MARF1: variants seen among roughly 807,000 people sequenced by gnomAD.
The protein encoded by MARF1 is meiosis regulator and mRNA stability factor 1.
In MARF1, 24 loss-of-function variants were observed where a neutral mutation model predicts 168.2. The observed-to-expected ratio is 0.14, with a 90% confidence interval of 0.10 to 0.20. The LOEUF is 0.20. MARF1 is among the 10% of genes least tolerant of loss of function. The pLI, the probability that MARF1 is intolerant of heterozygous loss-of-function variation, is 1.00. For synonymous variants in MARF1, 868 were observed against 822.4 expected, an observed-to-expected ratio of 1.06 and a Z score of -0.95; for missense variants, 1,744 against 2,143.6, an observed-to-expected ratio of 0.81 and a Z score of 3.68.
intron 25 of MARF1, 130 bp from the exon 26 acceptor site, chr16:15,599,154 T>TAAAAAAAAA (rs565989147): frequency 7.5e-4 from 223 of 299,026 alleles, no homozygotes; most frequent in South Asian, 1.5e-3. Flanking sequence ...TTTAAGGTAT[T>TAAAAAAAAA]AAAAAAAAAA....
At chr16:15,597,148 TG>T (rs1347068100) in intron 26 of MARF1, among the ~76,000 whole-genome samples, 1 of 152,212 alleles carries the variant, frequency 6.6e-6, no homozygotes, top group Non-Finnish European at 1.5e-5. Context: ...CCTCTCCCAC[TG>T]GATTACAAAG....
rs753654896 is a variant in MARF1 at position 15,598,934 on chromosome 16, G to A, written c.4904C>T (p.Ser1635Phe). Residue 1635 changes from serine to phenylalanine, a missense_variant, in exon 26 of 27, where the codon TCC becomes TTC. Physicochemically the swap from Ser to Phe is radical, Grantham distance 155 (BLOSUM62 -2). Coordinates refer to ENST00000396368, the MANE Select transcript of MARF1 (RefSeq NM_014647.4). ...LCAPVPSCLP[S>F]PQLRPDPVIL... ...AACGGGGTCTGGTCTCAGCTGAGGG[G>A]ACGGCAGGCACGAGGGGACAGGCGC... 6.2e-7 allele frequency: 1 copy of A among 1,613,864 alleles called. No homozygotes were observed. Among genetic ancestry groups the A allele is most frequent in the East Asian group, 2.2e-5 (1 of 44,834 alleles).
intron 23 of MARF1, 129 bp downstream of exon 23, chr16:15,601,862 T>C (rs1249544978): frequency 1.3e-6 from 1 of 767,826 alleles, no homozygotes; most frequent in Non-Finnish European, 2.3e-6. Flanking sequence ...ACCAACAGTA[T>C]GTTTTGAAAG....
chr16:15,642,225 A>G (rs1192889700), intron 1 of MARF1, among the ~76,000 whole-genome samples: 1 of 152,156 alleles, frequency 6.6e-6, no homozygotes, highest in African/African-American at 2.4e-5. Flanking sequence ...TTTCTCCCCC[A>G]TAGCTCTTCT....
intron 1 of MARF1, 63 bp from the exon 2 acceptor site, chr16:15,639,354 C>A (rs556156145): frequency 3.6e-6 from 4 of 1,107,544 alleles, no homozygotes; most frequent in Admixed American, 2.3e-5. Context: ...TTACAACATA[C>A]TAAAATGTGA....
intron 16 of MARF1, among the ~76,000 whole-genome samples, chr16:15,614,172 A>G (rs1440606673): frequency 6.6e-6 from 1 of 152,134 alleles, no homozygotes; most frequent in Non-Finnish European, 1.5e-5. Flanking sequence ...AATACCTGAA[A>G]GTACTTTTTT....
rs1386061526 is a variant in MARF1, at chr16:15,611,885, T to C, written c.3475-151A>G. On this transcript the variant is annotated intron_variant, in intron 17 of 26. Coordinates refer to ENST00000396368, the MANE Select transcript of MARF1 (RefSeq NM_014647.4). ...GAAACACATGTCGATCAACAAAATGTAGTTGGTCAAAAGGAACAAATGTCC... is the reference window on the plus strand; with the variant it reads ...GAAACACATGTCGATCAACAAAATGCAGTTGGTCAAAAGGAACAAATGTCC... 6 of 628,040 alleles carry C rather than the reference T, an allele frequency of 9.6e-6. No individual in the cohort carries two copies. In the Admixed American group the frequency reaches 1.6e-4, roughly 17 times the overall value. 38.9% of individuals were successfully genotyped at this position (628,040 alleles called of 1,614,324 possible). A position where few individuals can be genotyped will look rare whatever the true frequency, so the allele number is the denominator to read the frequency against.
rs1293557184 is a variant in MARF1 at position 15,595,894 on chromosome 16, T to C, written c.*799A>G. 2.0e-5 allele frequency: 3 copies of C among 152,402 alleles called. No individual in the cohort carries two copies. Among genetic ancestry groups the C allele is most frequent in the East Asian group, 1.9e-4 (1 of 5,188 alleles). The allele number at this position is 152,402 out of a possible 1,614,324, so 9.4% of individuals were successfully genotyped here. A position where few individuals can be genotyped will look rare whatever the true frequency, so the allele number is the denominator to read the frequency against. On this transcript the variant is annotated 3_prime_UTR_variant, in exon 27 of 27. Transcript: ENST00000396368. ...GCCTCTCGACACACAATAATGTGTG[T>C]TGTAATCCAAATGCTGACTTTAAAT... is the stretch of plus-strand genomic sequence containing the variant.
chr16:15,600,606 T>C (rs1055238758), intron 24 of MARF1, 35 bp downstream of exon 24: 26 of 1,614,102 alleles, frequency 1.6e-5, no homozygotes, highest in Non-Finnish European at 1.9e-5. Flanking sequence ...AGAACCGTGA[T>C]TTTTTAAGGG....
chr16:15,629,031 A>G (rs894089797), intron 7 of MARF1, among the ~76,000 whole-genome samples: 3 of 148,662 alleles, frequency 2.0e-5, no homozygotes, highest in Non-Finnish European at 4.5e-5. Flanking sequence ...AAAACACTAC[A>G]TTTACTTTTT....
chr16:15,604,109 C>T (rs1012616069), intron 22 of MARF1, 59 bp downstream of exon 22: 13 of 1,321,520 alleles, frequency 9.8e-6, no homozygotes, highest in Admixed American at 6.8e-5. Context: ...TCAGGTAATC[C>T]GGAAATGCCC....
At chr16:15,628,022 C>G (rs1347659701) in intron 7 of MARF1, among the ~76,000 whole-genome samples, 2 of 152,068 alleles carry the variant, frequency 1.3e-5, no homozygotes, top group African/African-American at 4.8e-5. Context: ...AATTACCTTG[C>G]TGGAAATGGT....
Position 15,624,762 on chromosome 16 carries a change from G to A in MARF1, c.2270+7C>T. 2 of 1,612,828 alleles carry A rather than the reference G, an allele frequency of 1.2e-6. No homozygotes were observed. The highest frequency in any genetic ancestry group is 1.7e-6 in the Non-Finnish European group (2 of 1,179,514). Reference sequence around the variant, plus strand: ...ACCACCCCCATGGGTCAAGAAGCTGGACTCACCTAGAAGACCAAGACTGAG... The same window carrying A: ...ACCACCCCCATGGGTCAAGAAGCTGAACTCACCTAGAAGACCAAGACTGAG... On this transcript the variant is annotated splice_region_variant and intron_variant, in intron 10 of 26. Transcript: ENST00000396368.
intron 21 of MARF1, among the ~76,000 whole-genome samples, chr16:15,605,472 T>C (rs1253474923): frequency 6.6e-6 from 1 of 151,998 alleles, no homozygotes; most frequent in East Asian, 1.9e-4. Flanking sequence ...TATGGGACTG[T>C]ATAGATTTCC....
intron 7 of MARF1, among the ~76,000 whole-genome samples, chr16:15,628,537 C>G (rs1345136783): frequency 6.6e-6 from 1 of 151,830 alleles, no homozygotes; most frequent in African/African-American, 2.4e-5. Flanking sequence ...GCCTCCCAAG[C>G]AGCTAGGACT....
chr16:15,611,449 A>AC, intron 18 of MARF1, 143 bp downstream of exon 18: 1 of 532,114 alleles, frequency 1.9e-6, no homozygotes, highest in Non-Finnish European at 2.9e-6. Context: ...TCCGTCTCAA[A>AC]AAAAAAAAAA....
rs200979011 is a variant in MARF1, at chr16:15,634,600, T to C, written c.1006+157A>G. ...GGGCAAATGACTTCCTGGTCCATAATAATAAAAAGATTTCTACCAAGATAT... is the reference window on the plus strand; with the variant it reads ...GGGCAAATGACTTCCTGGTCCATAACAATAAAAAGATTTCTACCAAGATAT... On this transcript the variant is annotated intron_variant, in intron 4 of 26. Transcript: ENST00000396368. Among the ~76,000 whole-genome samples the C allele has an allele frequency of 5.9e-5, 9 of 152,280 alleles. No individual in the cohort carries two copies. The East Asian group carries it at 1.7e-3, about 29-fold the overall frequency.
chr16:15,631,526 A>T (rs753434487), intron 5 of MARF1, 28 bp from the exon 6 acceptor site: 15 of 1,502,754 alleles, frequency 1.0e-5, no homozygotes, highest in South Asian at 3.4e-5. Context: ...AAGGGTGAAT[A>T]AGCAGGAGCT....
chr16:15,635,820 A>G lies in MARF1; in HGVS notation c.667T>C (p.Tyr223His), dbSNP rs775204838. The G allele has an allele frequency of 3.7e-5, 59 of 1,614,134 alleles. 1 individual carries two copies. The Middle Eastern group carries it at 4.9e-4, about 13-fold the overall frequency. Residue 223 changes from tyrosine (Y) to histidine (H), a missense_variant, in exon 3 of 27, where the codon TAT becomes CAT. By Grantham distance (83) the Tyr-to-His change is moderately conservative (BLOSUM62 2). This residue lies in a region of MARF1 where 318 missense variants were observed against 336.6 expected (regional missense o/e 0.94). Coordinates refer to ENST00000396368, the MANE Select transcript of MARF1 (RefSeq NM_014647.4). ...PSLQGCTSAG[Y>H]FPCSDFTSGA... ...CTTGTGAAATCAGAACAGGGGAAAT[A>G]GCCAGCGGAGGTGCAGCCCTGCAGA...
Sources: allele counts gnomAD v4.1 joint callset (sites outside exome capture counted in the v4.1 genomes callset), GRCh38; gene constraint gnomAD v4.1.1; regional missense constraint gnomAD v4.1.1; transcripts MANE v1.5; gene names NCBI Gene and HGNC (gene_info 2026-07-23, HGNC 2026-07-21).